OXCT1: variants seen among roughly 807,000 people sequenced by gnomAD.
OXCT1 encodes the protein succinyl-CoA:3-ketoacid coenzyme A transferase 1, mitochondrial.
OXCT1 carries 27 observed loss-of-function variants against 69.6 expected under a neutral mutation model. The observed-to-expected ratio is 0.39, with a 90% confidence interval of 0.29 to 0.54. OXCT1 has a LOEUF of 0.54. Among genes scored for constraint, OXCT1 ranks in the 20% least tolerant of loss-of-function variants. OXCT1 has a pLI of 0.72. For synonymous variants in OXCT1, 202 were observed against 217.8 expected (o/e 0.93, Z 0.64); for missense variants, 437 against 650.2 (o/e 0.67, Z 3.57).
Position 41,762,212 on chromosome 5 carries a change from A to C in OXCT1, c.1249-12T>G. The C allele has an allele frequency of 6.3e-7, 1 of 1,583,942 alleles. No individual in the cohort carries two copies. Among genetic ancestry groups the C allele is most frequent in the Middle Eastern group, 1.7e-4 (1 of 5,998 alleles). ...TTCACCATCTTCCCCTGCAAAACAA[A>C]AAATAAATAGCTCTGTATCTTTCAC... On this transcript the variant is annotated splice_polypyrimidine_tract_variant and intron_variant, in intron 13 of 16. Coordinates refer to ENST00000196371, the MANE Select transcript of OXCT1 (RefSeq NM_000436.4). This position sits in a 1 kb window ranked among gnomAD's most constrained non-coding sequence, Gnocchi z 4.0.
chr5:41,789,154 A>T (rs945403873), intron 13 of OXCT1, among the ~76,000 whole-genome samples: 8 of 152,248 alleles, frequency 5.3e-5, no homozygotes, highest in Admixed American at 3.3e-4. Context: ...AGAAGTTGGC[A>T]AATCTTTTCT....
chr5:41,750,097 C>T (rs1419761434), intron 14 of OXCT1, among the ~76,000 whole-genome samples: 1 of 143,932 alleles, frequency 6.9e-6, no homozygotes, highest in East Asian at 2.0e-4. Context: ...CACTCTTAGA[C>T]TTGCTCTTAA....
chr5:41,852,451 T>A (rs954386200), intron 4 of OXCT1, among the ~76,000 whole-genome samples: 1 of 152,164 alleles, frequency 6.6e-6, no homozygotes, highest in African/African-American at 2.4e-5. Context: ...TTGACTAAAA[T>A]AAAGCGGAGT....
rs1335223686 is a variant in OXCT1 at position 41,870,388 on chromosome 5, G to C, written c.-30C>G. 6.4e-7 allele frequency: 1 copy of C among 1,571,754 alleles called. No individual in the cohort carries two copies. The highest frequency in any genetic ancestry group is 1.3e-5 in the African/African-American group (1 of 74,270). The stretch of plus-strand genomic sequence containing the variant: ...GGGCGGTGAGGCAGGAGGAGGCTGC[G>C]GGTTGGAGCGCGCGTTTGAGCGTCG... On this transcript the variant is annotated 5_prime_UTR_variant, in exon 1 of 17. Coordinates refer to ENST00000196371, the MANE Select transcript of OXCT1 (RefSeq NM_000436.4). The surrounding 1 kb of genome is among the most constrained non-coding windows in gnomAD (Gnocchi z 4.2).
chr5:41,743,569 A>G (rs1743305649), intron 15 of OXCT1, among the ~76,000 whole-genome samples: 2 of 152,140 alleles, frequency 1.3e-5, no homozygotes, highest in Non-Finnish European at 2.9e-5. Context: ...CTATGTCCTG[A>G]ATGGTGTTGC....
At position 41,870,409 on chromosome 5, in the gene OXCT1, C is replaced by G. The variant is rs764627536; in HGVS notation, c.-51G>C. 1.4e-6 allele frequency: 2 copies of G among 1,390,132 alleles called. No homozygotes were observed. Among genetic ancestry groups the G allele is most frequent in the South Asian group, 2.3e-5 (2 of 85,120 alleles). The allele number at this position is 1,390,132 out of a possible 1,614,324, so 86.1% of individuals were successfully genotyped here. ...CTGCGGGTTGGAGCGCGCGTTTGAG[C>G]GTCGGTGCGCGACTGCGAAGGAAAC... On this transcript the variant is annotated 5_prime_UTR_variant, in exon 1 of 17. Transcript: ENST00000196371. The surrounding 1 kb of genome is among the most constrained non-coding windows in gnomAD (Gnocchi z 4.2).
In OXCT1 at chr5:41,857,410, C is replaced by T. The variant is rs186674629; in HGVS notation, c.279-3856G>A. ...CTTTTGGCTCACTTCTCTTCCTCTC[C>T]TGGCCTCACCATCCCTCCAACATCT... On this transcript the variant is annotated intron_variant, in intron 3 of 16. Coordinates refer to ENST00000196371, the MANE Select transcript of OXCT1 (RefSeq NM_000436.4). Among the ~76,000 whole-genome samples, 393 of 152,290 alleles carry T rather than the reference C, an allele frequency of 2.6e-3. 2 individuals are homozygous for T. The Middle Eastern group carries it at 0.031, about 12-fold the overall frequency.
At chr5:41,731,883 A>T (rs1415553668) in intron 16 of OXCT1, 113 bp from the exon 17 acceptor site, 9 of 1,240,376 alleles carry the variant, frequency 7.3e-6, no homozygotes, top group Admixed American at 4.0e-5. Flanking sequence ...TGCCATGGAC[A>T]TTCCCTGGAG....
intron 3 of OXCT1, among the ~76,000 whole-genome samples, chr5:41,858,755 G>A (rs911541392): frequency 6.6e-6 from 1 of 151,860 alleles, no homozygotes; most frequent in African/African-American, 2.4e-5. Context: ...AATAAAGTTG[G>A]GATCACTTAC....
At chr5:41,845,991 T>C (rs1032922133) in intron 5 of OXCT1, among the ~76,000 whole-genome samples, 34 of 152,266 alleles carry the variant, frequency 2.2e-4, no homozygotes, top group Non-Finnish European at 3.7e-4. Flanking sequence ...ACTTATACAT[T>C]TTTATAACAC....
At chr5:41,775,232 C>G (rs1579710751) in intron 13 of OXCT1, among the ~76,000 whole-genome samples, 1 of 152,200 alleles carries the variant, frequency 6.6e-6, no homozygotes, top group East Asian at 1.9e-4. Flanking sequence ...TCTTACAAAA[C>G]TGCTCCCCAT....
chr5:41,842,562 G>T (rs919005156), intron 6 of OXCT1, 113 bp downstream of exon 6: 1 of 795,598 alleles, frequency 1.3e-6, no homozygotes, highest in Non-Finnish European at 2.3e-6. Flanking sequence ...ATACACATGG[G>T]CATGTATGAT....
intron 11 of OXCT1, among the ~76,000 whole-genome samples, chr5:41,799,008 G>A (rs1746306377): frequency 1.3e-5 from 2 of 152,196 alleles, no homozygotes; most frequent in Admixed American, 1.3e-4. Flanking sequence ...AGGTTCCAAT[G>A]GTATAATACA....
intron 15 of OXCT1, among the ~76,000 whole-genome samples, chr5:41,742,639 C>G (rs2112013349): frequency 6.6e-6 from 1 of 152,166 alleles, no homozygotes; most frequent in East Asian, 1.9e-4. Flanking sequence ...CCCTGCCCCC[C>G]ACCCCACAAC....
chr5:41,840,587 A>C, intron 6 of OXCT1, 76 bp from the exon 7 acceptor site: 1 of 829,568 alleles, frequency 1.2e-6, no homozygotes, highest in East Asian at 2.4e-5. Flanking sequence ...TTAAGGTTTT[A>C]TAGATTAGAA....
chr5:41,824,165 A>T (rs1747696153), intron 7 of OXCT1, among the ~76,000 whole-genome samples: 1 of 152,152 alleles, frequency 6.6e-6, no homozygotes, highest in African/African-American at 2.4e-5. Flanking sequence ...TCTTCCCCCT[A>T]CCAATTTTGT....
chr5:41,823,339 G>A (rs550168985), intron 7 of OXCT1, among the ~76,000 whole-genome samples: 6 of 152,238 alleles, frequency 3.9e-5, no homozygotes, highest in Non-Finnish European at 5.9e-5. Context: ...CAAAACTCTG[G>A]TAGGGATCCT....
At chr5:41,818,250 C>T (rs1275152853) in intron 7 of OXCT1, among the ~76,000 whole-genome samples, 1 of 152,062 alleles carries the variant, frequency 6.6e-6, no homozygotes, top group Admixed American at 6.6e-5. Context: ...GGGAACATTC[C>T]ACTAACCAGG....
Position 41,731,656 on chromosome 5 carries a change from T to C in OXCT1, c.*73A>G. 1 of 1,546,292 alleles carries C rather than the reference T, an allele frequency of 6.5e-7. No homozygotes were observed. The highest frequency in any genetic ancestry group is 1.2e-5 in the South Asian group (1 of 84,204). On this transcript the variant is annotated 3_prime_UTR_variant, in exon 17 of 17. Transcript: ENST00000196371. ...CACCTGTTAAATACACAATTATGAT[T>C]ATTGATGTCCTTTCAATTAAATCTT... is the stretch of plus-strand genomic sequence containing the variant.
Sources: gnomAD v4.1 joint callset for allele counts (sites outside exome capture counted in the v4.1 genomes callset) on GRCh38, gnomAD v4.1.1 for gene constraint, Gnocchi (gnomAD v3.1) non-coding constraint, MANE v1.5 for transcripts, NCBI Gene and HGNC (gene_info 2026-07-23, HGNC 2026-07-21) for gene names.